Variants in TPTE2 observed in about 807,000 individuals in gnomAD.
TPTE2 encodes the protein transmembrane phosphoinositide 3-phosphatase and tensin homolog 2, also known as phosphatidylinositol 3,4,5-trisphosphate 3-phosphatase TPTE2.
In TPTE2, 53 loss-of-function variants were observed where a neutral mutation model predicts 78.6. The observed-to-expected ratio is 0.67, with a 90% CI of 0.54 to 0.85. The LOEUF (loss-of-function observed/expected upper bound fraction) is 0.85, where lower values mean the gene tolerates loss of function less well. Among genes scored for constraint, TPTE2 ranks in the 40% least tolerant of loss-of-function variants. The pLI, the probability that TPTE2 is intolerant of heterozygous loss-of-function variation, is 0.00. For missense variants in TPTE2, 461 were observed against 623.0 expected (o/e 0.74, Z 2.77); for synonymous variants, 175 against 206.2 (o/e 0.85, Z 1.30).
At chr13:19,493,585 G>A (rs1179043374) in intron 1 of TPTE2, 84 bp from the exon 5 acceptor site, 7 of 1,195,786 alleles carry the variant, frequency 5.9e-6, no homozygotes, top group South Asian at 4.9e-5. Context: ...CATTACTCTA[G>A]ACAGAAACCA....
chr13:19,460,330 G>A (rs1381080910), intron 10 of TPTE2, among the ~76,000 whole-genome samples: 1 of 152,182 alleles, frequency 6.6e-6, no homozygotes, highest in Non-Finnish European at 1.5e-5. Flanking sequence ...TGCCGCCCCC[G>A]GCTGGGCCAT....
the TPTE2 span, among the ~76,000 whole-genome samples, chr13:19,546,912 T>C: frequency 6.6e-6 from 1 of 151,086 alleles, no homozygotes; most frequent in African/African-American, 2.4e-5. Context: ...GAAAAAAAAA[T>C]GGGAGGCTGA....
intron 10 of TPTE2, among the ~76,000 whole-genome samples, chr13:19,461,363 G>C (rs140548379): frequency 5.3e-5 from 8 of 151,836 alleles, no homozygotes; most frequent in African/African-American, 1.9e-4. Flanking sequence ...TGCATACAAT[G>C]TGTAATGATC....
chr13:19,454,044 G>A (rs150034051), intron 10 of TPTE2, among the ~76,000 whole-genome samples: 11 of 152,212 alleles, frequency 7.2e-5, no homozygotes, highest in Non-Finnish European at 1.3e-4. Context: ...TATACCTTCC[G>A]TACTTGCATG....
At chr13:19,476,288 G>T (rs1262050991) in intron 4 of TPTE2, among the ~76,000 whole-genome samples, 1 of 151,830 alleles carries the variant, frequency 6.6e-6, no homozygotes, top group East Asian at 2.0e-4. Flanking sequence ...TATGGCTGGA[G>T]ACAAAGTAGC....
chr13:19,545,482 A>AGTCT, the TPTE2 span, among the ~76,000 whole-genome samples: 196 of 152,308 alleles, frequency 1.3e-3, 1 homozygote, highest in African/African-American at 4.5e-3. Flanking sequence ...ATAAAGTGAA[A>AGTCT]GTCTGTATGC....
intron 7 of TPTE2, among the ~76,000 whole-genome samples, chr13:19,466,707 G>A (rs892228542): frequency 6.6e-6 from 1 of 152,150 alleles, no homozygotes; most frequent in Non-Finnish European, 1.5e-5. Flanking sequence ...AGAAACTCAT[G>A]ATTGAAATCA....
At chr13:19,455,891 T>C (rs1878511059) in intron 10 of TPTE2, among the ~76,000 whole-genome samples, 1 of 152,144 alleles carries the variant, frequency 6.6e-6, no homozygotes, top group African/African-American at 2.4e-5. Flanking sequence ...TGGACTGTCT[T>C]AATCTAGTAA....
intron 10 of TPTE2, among the ~76,000 whole-genome samples, chr13:19,455,046 C>T (rs1317536339): frequency 2.0e-5 from 3 of 152,108 alleles, no homozygotes; most frequent in Non-Finnish European, 4.4e-5. Context: ...TGTGCCCATT[C>T]GGAGCAACAG....
At chr13:19,453,965 G>T (rs372954568) in intron 10 of TPTE2, among the ~76,000 whole-genome samples, 1 of 152,074 alleles carries the variant, frequency 6.6e-6, no homozygotes, top group Admixed American at 6.6e-5. Flanking sequence ...TCCACCTTTG[G>T]GTTTTCCTAA....
intron 1 of TPTE2, among the ~76,000 whole-genome samples, chr13:19,523,478 T>A (rs1393403720): frequency 2.0e-5 from 3 of 152,114 alleles, no homozygotes; most frequent in East Asian, 1.9e-4. Context: ...TATTTTTATT[T>A]TTTATTTATT....
upstream of TPTE2, among the ~76,000 whole-genome samples, chr13:19,538,941 G>A (rs973836761): frequency 6.6e-6 from 1 of 152,212 alleles, no homozygotes; most frequent in African/African-American, 2.4e-5. Flanking sequence ...AGTTATGGAA[G>A]CTGAGATGTC....
chr13:19,494,261 GTTAT>G (rs1213115075), intron 1 of TPTE2, among the ~76,000 whole-genome samples: 1 of 152,162 alleles, frequency 6.6e-6, no homozygotes, highest in Non-Finnish European at 1.5e-5. Flanking sequence ...AAATGTGGAA[GTTAT>G]TTATACACGA....
At chr13:19,548,929 G>A in the TPTE2 span, among the ~76,000 whole-genome samples, 19,004 of 151,848 alleles carry the variant, frequency 0.13, 1,310 homozygotes, top group Middle Eastern at 0.23. Flanking sequence ...GACCAGCCTG[G>A]CCAACATGGC....
At chr13:19,473,716 C>T (rs1016104588) in intron 6 of TPTE2, among the ~76,000 whole-genome samples, 198 bp downstream of exon 9, 1 of 151,578 alleles carries the variant, frequency 6.6e-6, no homozygotes, top group African/African-American at 2.4e-5. Context: ...CTGCCTCAGC[C>T]TCCCAAGTAG....
At chr13:19,496,941 C>T (rs369504445) in intron 1 of TPTE2, among the ~76,000 whole-genome samples, 498 of 152,172 alleles carry the variant, frequency 3.3e-3, no homozygotes, top group African/African-American at 0.012. Flanking sequence ...AGTGGGTGCG[C>T]GCACCGTGCG....
At chr13:19,491,216 A>T (rs114220558) in intron 3 of TPTE2, among the ~76,000 whole-genome samples, 2 of 152,084 alleles carry the variant, frequency 1.3e-5, no homozygotes, top group Non-Finnish European at 2.9e-5. Context: ...ATTTACTTAA[A>T]CCTCAAATTT....
At chr13:19,555,037 G>A in the TPTE2 span, among the ~76,000 whole-genome samples, 1 of 152,156 alleles carries the variant, frequency 6.6e-6, no homozygotes, top group African/African-American at 2.4e-5. Context: ...GCTAATAGTT[G>A]CAAGCATTTA....
chr13:19,435,815 C>T (rs1236982274), intron 15 of TPTE2, among the ~76,000 whole-genome samples: 5 of 150,676 alleles, frequency 3.3e-5, no homozygotes, highest in African/African-American at 9.8e-5. Flanking sequence ...CAAAAACAGT[C>T]TTTGTGATGT....
Sources: gnomAD v4.1 joint callset for allele counts (sites outside exome capture counted in the v4.1 genomes callset) on GRCh38, gnomAD v4.1.1 for gene constraint, MANE v1.5 for transcripts, NCBI Gene and HGNC (gene_info 2026-07-23, HGNC 2026-07-21) for gene names.